The following CES5A variants were observed in gnomAD, a reference collection of about 807,000 sequenced individuals.
The protein encoded by CES5A is carboxylesterase 5.
Under a neutral mutation model 62.9 loss-of-function variants are expected in CES5A, and 67 were observed. The ratio of observed to expected loss-of-function variants is 1.07; its 90% CI spans 0.88 to 1.31. The LOEUF is 1.31. Ranked by LOEUF, CES5A falls within the 50% of genes most tolerant of loss-of-function variation. CES5A has a pLI of 0.00. For missense variants in CES5A, 748 were observed against 708.5 expected (o/e 1.06, Z -0.63); for synonymous variants, 296 against 280.8 (o/e 1.05, Z -0.54).
intron 1 of CES5A, among the ~76,000 whole-genome samples, chr16:55,882,364 G>A (rs919374041): frequency 6.6e-6 from 1 of 152,162 alleles, no homozygotes; most frequent in Non-Finnish European, 1.5e-5. Context: ...GATTCTCAAA[G>A]GGGTTTAATT....
chr16:55,885,209 G>A (rs2033802400), intron 1 of CES5A, among the ~76,000 whole-genome samples: 1 of 152,046 alleles, frequency 6.6e-6, no homozygotes, highest in South Asian at 2.1e-4. Context: ...CCTAATGTGG[G>A]ACATTTTTTT....
chr16:55,868,159 T>C (rs1443977599), intron 4 of CES5A, among the ~76,000 whole-genome samples: 1 of 152,230 alleles, frequency 6.6e-6, no homozygotes, highest in Non-Finnish European at 1.5e-5. Context: ...CATCTACCTA[T>C]GATCAAAACC....
At chr16:55,904,479 T>C (rs1335689353) in intron 1 of CES5A, among the ~76,000 whole-genome samples, 1 of 152,176 alleles carries the variant, frequency 6.6e-6, no homozygotes, top group Non-Finnish European at 1.5e-5. Context: ...AGCCACCAAC[T>C]ATAGATTCAC....
At chr16:55,879,709 G>A (rs1429029386), upstream of CES5A, among the ~76,000 whole-genome samples, 1 of 152,114 alleles carries the variant, frequency 6.6e-6, no homozygotes, top group Admixed American at 6.5e-5. Context: ...TCCCACTTCA[G>A]TCTCCCAAGT....
At chr16:55,877,080 A>T (rs183652215), upstream of CES5A, among the ~76,000 whole-genome samples, 3 of 152,260 alleles carry the variant, frequency 2.0e-5, no homozygotes, top group Admixed American at 2.0e-4. Context: ...GAACCCCGGC[A>T]GTGGGACATT....
In CES5A at chr16:55,905,370, A is replaced by ATTT. The variant is rs368761640; in HGVS notation, c.-256+19952_-256+19953insAAA. ...ACTCCCCAGAATATCTTTAAATCTG[A>ATTT]CTTTTTTTTTTTTTGAGATGGAGTC... On this transcript the variant is annotated intron_variant, in intron 1 of 12. Transcript: ENST00000518005. Among the ~76,000 whole-genome samples, 291 of 146,488 alleles carry ATTT rather than the reference A, an allele frequency of 2.0e-3. 3 individuals are homozygous for ATTT. Among genetic ancestry groups the ATTT allele is most frequent in the Non-Finnish European group, 3.0e-3 (197 of 66,594 alleles).
At chr16:55,876,036 T>C (rs1046919595), upstream of CES5A, among the ~76,000 whole-genome samples, 5 of 152,218 alleles carry the variant, frequency 3.3e-5, no homozygotes, top group East Asian at 5.8e-4. Context: ...CCCCTGATTC[T>C]CCTGAACTTT....
chr16:55,876,708 G>C (rs1451813197), upstream of CES5A, among the ~76,000 whole-genome samples: 1 of 152,214 alleles, frequency 6.6e-6, no homozygotes, highest in Non-Finnish European at 1.5e-5. Flanking sequence ...AACCAACCTG[G>C]GGCAGCCACA....
chr16:55,885,403 C>T (rs544707810), intron 1 of CES5A, among the ~76,000 whole-genome samples: 3 of 152,276 alleles, frequency 2.0e-5, no homozygotes, highest in Non-Finnish European at 4.4e-5. Context: ...GACATCAAAA[C>T]AGGATTAAAC....
At chr16:55,947,048 G>A (rs1042542591) in intron 2 of CES5A, among the ~76,000 whole-genome samples, 6 of 152,210 alleles carry the variant, frequency 3.9e-5, no homozygotes, top group African/African-American at 7.2e-5. Context: ...GGAGGGGCAT[G>A]GGAAGGTTAA....
chr16:55,859,690 G>A lies in CES5A; in HGVS notation c.916-3C>T. Reference sequence around the variant, plus strand: ...ACTCGAGTGAAAGACTTTGTTTTCTGTAATAAGGAAGAAAAAAAAATCATC... The same window carrying A: ...ACTCGAGTGAAAGACTTTGTTTTCTATAATAAGGAAGAAAAAAAAATCATC... On this transcript the variant is annotated splice_region_variant and splice_polypyrimidine_tract_variant and intron_variant, in intron 7 of 12. Coordinates refer to ENST00000290567, the MANE Select transcript of CES5A (RefSeq NM_001143685.2). 2 of 1,596,098 alleles carry A rather than the reference G, an allele frequency of 1.3e-6. No homozygotes were observed. Among genetic ancestry groups the A allele is most frequent in the South Asian group, 1.1e-5 (1 of 87,220 alleles).
intron 9 of CES5A, 130 bp downstream of exon 9, chr16:55,856,247 G>A: frequency 1.3e-6 from 1 of 775,300 alleles, no homozygotes; most frequent in East Asian, 2.5e-5. Context: ...CCTATGCTTA[G>A]TAAAGGTCTA....
At chr16:55,871,491 A>G (rs2033583724) in intron 3 of CES5A, 134 bp downstream of exon 3, 1 of 961,368 alleles carries the variant, frequency 1.0e-6, no homozygotes, top group South Asian at 2.3e-5. Flanking sequence ...GATTTTTAAA[A>G]ATTGTTGATG....
chr16:55,953,005 C>A (rs2034574667), intron 1 of CES5A, among the ~76,000 whole-genome samples: 2 of 152,070 alleles, frequency 1.3e-5, no homozygotes, highest in Non-Finnish European at 2.9e-5. Flanking sequence ...TACAAAAATT[C>A]TATCTAAAGT....
chr16:55,897,060 A>G (rs1283384271), intron 1 of CES5A, among the ~76,000 whole-genome samples: 5 of 148,404 alleles, frequency 3.4e-5, no homozygotes, highest in Non-Finnish European at 4.5e-5. Context: ...CCATCCCCGC[A>G]TCCCCCCCAT....
chr16:55,897,178 A>C (rs1276302773), intron 1 of CES5A, among the ~76,000 whole-genome samples: 1 of 152,026 alleles, frequency 6.6e-6, no homozygotes, highest in African/African-American at 2.4e-5. Context: ...CATCCAAGCC[A>C]AGAGCATCCA....
chr16:55,852,329 C>G (rs1427888927), intron 10 of CES5A, among the ~76,000 whole-genome samples: 4 of 152,100 alleles, frequency 2.6e-5, no homozygotes, highest in Admixed American at 6.5e-5. Context: ...GCCTTGTGGT[C>G]GAAGAAGATA....
chr16:55,894,026 A>G (rs1380420399), intron 1 of CES5A, among the ~76,000 whole-genome samples: 1 of 152,202 alleles, frequency 6.6e-6, no homozygotes, highest in Non-Finnish European at 1.5e-5. Flanking sequence ...AGCAATAAGA[A>G]TGGTGTCTAT....
At chr16:55,854,498 A>G (rs1167368825) in intron 9 of CES5A, among the ~76,000 whole-genome samples, 1 of 123,682 alleles carries the variant, frequency 8.1e-6, no homozygotes, top group African/African-American at 3.0e-5. Context: ...CCCTCCACCA[A>G]GGGGGCCTGA....
Sources: allele counts gnomAD v4.1 joint callset (sites outside exome capture counted in the v4.1 genomes callset), GRCh38; gene constraint gnomAD v4.1.1; transcripts MANE v1.5; gene names NCBI Gene and HGNC (gene_info 2026-07-23, HGNC 2026-07-21).